Variants in YWHAZ observed in about 807,000 individuals in gnomAD.
The protein encoded by YWHAZ is 14-3-3 protein zeta/delta.
For missense variants in YWHAZ, 79 were observed against 284.8 expected (o/e 0.28, Z 5.20); for synonymous variants, 87 against 103.6 (o/e 0.84, Z 0.97).
At chr8:100,951,326 C>A in intron 1 of YWHAZ, 1 of 984,622 alleles carries the variant, frequency 1.0e-6, no homozygotes, top group African/African-American at 1.7e-5. Flanking sequence ...CCCGGCCCCT[C>A]CCCGCCGCGC....
Position 100,920,485 on chromosome 8 carries a change from G to A in YWHAZ, c.*208C>T, listed in dbSNP as rs766850750. The A allele has an allele frequency of 1.2e-4, 71 of 580,028 alleles. No homozygotes were observed. Among genetic ancestry groups the A allele is most frequent in the South Asian group, 4.4e-4 (20 of 45,564 alleles). The allele number at this position is 580,028 out of a possible 1,614,324, so 35.9% of individuals were successfully genotyped here. A position where few individuals can be genotyped will look rare whatever the true frequency, so the allele number is the denominator to read the frequency against. On this transcript the variant is annotated 3_prime_UTR_variant, in exon 6 of 6. Coordinates refer to ENST00000395958, the MANE Select transcript of YWHAZ (RefSeq NM_145690.3). Reference sequence around the variant, plus strand: ...CACATCCCCATATTGGCCACCTCAAGATGAAAACAGATAACTCCCTAAATG... The same window carrying A: ...CACATCCCCATATTGGCCACCTCAAAATGAAAACAGATAACTCCCTAAATG...
rs2130066492 is a variant in YWHAZ, at chr8:100,919,417, A to G, written c.*1276T>C. 1 of 152,720 alleles carries G rather than the reference A, an allele frequency of 6.5e-6. No homozygotes were observed. Among genetic ancestry groups the G allele is most frequent in the East Asian group, 1.9e-4 (1 of 5,184 alleles). The allele number at this position is 152,720 out of a possible 1,614,324, so 9.5% of individuals were successfully genotyped here. A position where few individuals can be genotyped will look rare whatever the true frequency, so the allele number is the denominator to read the frequency against. On this transcript the variant is annotated 3_prime_UTR_variant, in exon 6 of 6. Transcript: ENST00000395958. ...GCCATATGCCAAAATTTTAAATGGA[A>G]CACACTACATTTTTTTCTAATCAAT...
Position 100,924,886 on chromosome 8 carries a change from G to T in YWHAZ, c.418+30C>A, listed in dbSNP as rs768004464. Reference sequence around the variant, plus strand: ...TTCCTCACTATGTTATCTTATACAAGTTCAACCAACAGGTTTAAAAACAGC... The same window carrying T: ...TTCCTCACTATGTTATCTTATACAATTTCAACCAACAGGTTTAAAAACAGC... On this transcript the variant is annotated intron_variant, in intron 3 of 5. Transcript: ENST00000395958. This position sits in a 1 kb window ranked among gnomAD's most constrained non-coding sequence, Gnocchi z 5.7. The T allele has an allele frequency of 6.2e-7, 1 of 1,610,782 alleles. No homozygotes were observed. The highest frequency in any genetic ancestry group is 1.1e-5 in the South Asian group (1 of 90,944).
chr8:100,936,464 A>T (rs1182235056), intron 2 of YWHAZ, among the ~76,000 whole-genome samples: 3 of 152,180 alleles, frequency 2.0e-5, no homozygotes, highest in African/African-American at 7.2e-5. Flanking sequence ...TGAGGAGGAC[A>T]CCATATCACT....
chr8:100,920,745 G>A lies in YWHAZ; in HGVS notation c.686C>T (p.Thr229Ile). 1 of 1,339,256 alleles carries A rather than the reference G, an allele frequency of 7.5e-7. No individual in the cohort carries two copies. Among genetic ancestry groups the A allele is most frequent in the Non-Finnish European group, 9.9e-7 (1 of 1,012,838 alleles). 83.0% of individuals were successfully genotyped at this position (1,339,256 alleles called of 1,614,324 possible). ...QLLRDNLTLW[T>I]SDTQGDEAEA... ...AGCTTCGTCTCCTTGGGTATCCGAT[G>A]TCCACAACTGGTAAAAGAAGGAAAG... Residue 229 changes from threonine to isoleucine, a missense_variant, in exon 6 of 6, where the codon ACA (threonine) becomes ATA (isoleucine). Coordinates refer to ENST00000395958, the MANE Select transcript of YWHAZ (RefSeq NM_145690.3).
chr8:100,927,725 C>G (rs1813462880), intron 2 of YWHAZ, among the ~76,000 whole-genome samples: 1 of 152,182 alleles, frequency 6.6e-6, no homozygotes, highest in Non-Finnish European at 1.5e-5. Flanking sequence ...AAGTAGTAAT[C>G]TATCTTTTGT....
At chr8:100,930,879 T>C (rs987484052) in intron 2 of YWHAZ, among the ~76,000 whole-genome samples, 1 of 152,206 alleles carries the variant, frequency 6.6e-6, no homozygotes, top group Non-Finnish European at 1.5e-5. Flanking sequence ...TTCACCCTAA[T>C]AATATTAAGT....
chr8:100,932,994 C>A (rs981564547), intron 2 of YWHAZ, among the ~76,000 whole-genome samples: 1 of 152,138 alleles, frequency 6.6e-6, no homozygotes, highest in Admixed American at 6.5e-5. Context: ...GTTTGAGCAA[C>A]CCTTGGGTTT....
intron 5 of YWHAZ, 107 bp downstream of exon 5, chr8:100,923,848 T>C (rs1241724367): frequency 1.2e-6 from 1 of 829,438 alleles, no homozygotes; most frequent in Non-Finnish European, 1.8e-6. Flanking sequence ...ATGAAATGTG[T>C]TGAGAAAAAA....
chr8:100,924,424 T>A lies in YWHAZ; in HGVS notation c.419-126A>T. 1 of 976,570 alleles carries A rather than the reference T, an allele frequency of 1.0e-6. No homozygotes were observed. Among genetic ancestry groups the A allele is most frequent in the African/African-American group, 1.7e-5 (1 of 60,588 alleles). The allele number at this position is 976,570 out of a possible 1,614,324, so 60.5% of individuals were successfully genotyped here. On this transcript the variant is annotated intron_variant, in intron 3 of 5. Coordinates refer to ENST00000395958, the MANE Select transcript of YWHAZ (RefSeq NM_145690.3). This position sits in a 1 kb window ranked among gnomAD's most constrained non-coding sequence, Gnocchi z 5.7. ...CCTGTAACAGCTTAATATTTGTTAA[T>A]TGAACAAGGTCCTTTTTTTTTTTTA...
intron 2 of YWHAZ, among the ~76,000 whole-genome samples, chr8:100,941,684 C>G (rs10103744): frequency 0.045 from 6,817 of 151,888 alleles, 514 homozygotes; most frequent in African/African-American, 0.16. Context: ...ACCTGGGAGG[C>G]TGAGGAGGGA....
intron 2 of YWHAZ, among the ~76,000 whole-genome samples, chr8:100,941,216 CATA>C (rs1275483417): frequency 6.6e-6 from 1 of 152,178 alleles, no homozygotes; most frequent in Non-Finnish European, 1.5e-5. Flanking sequence ...AGGTATTTTG[CATA>C]ATATTTTCAT....
rs901500208 is a variant in YWHAZ, at chr8:100,917,072, T to C, written c.*3621A>G. On this transcript the variant is annotated 3_prime_UTR_variant, in exon 6 of 6. Coordinates refer to ENST00000395958, the MANE Select transcript of YWHAZ (RefSeq NM_145690.3). ...GAATGTGTAAGACCATCATTGAGCA[T>C]AGAGCACCAGTTTTCAAAGTCAAAG... is the stretch of plus-strand genomic sequence containing the variant. 3 of 151,988 alleles carry C rather than the reference T, an allele frequency of 2.0e-5. No homozygotes were observed. The highest frequency in any genetic ancestry group is 1.9e-4 in the East Asian group (1 of 5,204). 9.4% of individuals were successfully genotyped at this position (151,988 alleles called of 1,614,324 possible).
At chr8:100,937,867 A>T (rs1486185130) in intron 2 of YWHAZ, among the ~76,000 whole-genome samples, 2 of 152,254 alleles carry the variant, frequency 1.3e-5, no homozygotes, top group Non-Finnish European at 2.9e-5. Context: ...GCAGTGACTC[A>T]TGCCGGTAAT....
intron 1 of YWHAZ, among the ~76,000 whole-genome samples, chr8:100,949,479 A>T (rs368678221): frequency 2.6e-5 from 4 of 152,160 alleles, no homozygotes; most frequent in Admixed American, 1.3e-4. Context: ...CAATAATAGC[A>T]TAACAATTTG....
intron 2 of YWHAZ, among the ~76,000 whole-genome samples, chr8:100,925,448 T>C (rs977676822): frequency 6.6e-6 from 1 of 152,208 alleles, no homozygotes; most frequent in Admixed American, 6.5e-5. Flanking sequence ...CTTTTGGGAC[T>C]CTGGAGAAAT....
chr8:100,937,029 AT>A (rs1814197260), intron 2 of YWHAZ, among the ~76,000 whole-genome samples: 1 of 152,170 alleles, frequency 6.6e-6, no homozygotes, highest in Non-Finnish European at 1.5e-5. Context: ...CAGTAAAACA[AT>A]TTGCTAAATT....
rs972850772 is a variant in YWHAZ, at chr8:100,918,959, G to A, written c.*1734C>T. 2.0e-5 allele frequency: 3 copies of A among 152,544 alleles called. No individual in the cohort carries two copies. Among genetic ancestry groups the A allele is most frequent in the Non-Finnish European group, 4.4e-5 (3 of 68,060 alleles). The allele number at this position is 152,544 out of a possible 1,614,324, so 9.4% of individuals were successfully genotyped here. On this transcript the variant is annotated 3_prime_UTR_variant, in exon 6 of 6. Transcript: ENST00000395958. ...TTAGAGAATAGAGGAGGAAGAAAGA[G>A]GAAGGATTTTAAAGGCAGACAATGA...
At chr8:100,946,194 A>C (rs935562528) in intron 2 of YWHAZ, among the ~76,000 whole-genome samples, 1 of 152,178 alleles carries the variant, frequency 6.6e-6, no homozygotes, top group African/African-American at 2.4e-5. Flanking sequence ...TACTGGTTCT[A>C]TGCAAACAAA....
Sources: gnomAD v4.1 joint callset for allele counts (sites outside exome capture counted in the v4.1 genomes callset) on GRCh38, gnomAD v4.1.1 for gene constraint, Gnocchi (gnomAD v3.1) non-coding constraint, MANE v1.5 for transcripts, NCBI Gene and HGNC (gene_info 2026-07-23, HGNC 2026-07-21) for gene names.